PRPSAP2: variants seen among roughly 807,000 people sequenced by gnomAD.
The protein encoded by PRPSAP2 is phosphoribosyl pyrophosphate synthase-associated protein 2.
PRPSAP2 carries 24 observed loss-of-function variants against 40.6 expected under a neutral mutation model. The ratio of observed to expected loss-of-function variants is 0.59; its 90% confidence interval spans 0.43 to 0.83. PRPSAP2 has a LOEUF of 0.83. Ranked by LOEUF, PRPSAP2 falls within the 40% of genes least tolerant of loss-of-function variation. The pLI is 0.00. For missense variants in PRPSAP2, 292 were observed against 465.6 expected, an observed-to-expected ratio of 0.63 and a Z score of 3.43; for synonymous variants, 149 against 164.7, an observed-to-expected ratio of 0.90 and a Z score of 0.73.
At chr17:18,871,973 A>G (rs1421858508) in intron 4 of PRPSAP2, among the ~76,000 whole-genome samples, 9 of 152,042 alleles carry the variant, frequency 5.9e-5, no homozygotes, top group Admixed American at 5.2e-4. Flanking sequence ...GATTGTCTAT[A>G]AAGATACTGT....
chr17:18,881,672 G>A (rs2038753596), intron 6 of PRPSAP2, among the ~76,000 whole-genome samples: 1 of 151,596 alleles, frequency 6.6e-6, no homozygotes, highest in Admixed American at 6.6e-5. Flanking sequence ...TGAGTATCTG[G>A]GACTACAGAT....
chr17:18,915,024 C>CT (rs2041222155), intron 9 of PRPSAP2, among the ~76,000 whole-genome samples: 1 of 126,262 alleles, frequency 7.9e-6, no homozygotes, highest in African/African-American at 2.9e-5. Flanking sequence ...CTGCACCCGA[C>CT]CTTTTTTTTT....
At chr17:18,864,706 C>G (rs764653868) in intron 1 of PRPSAP2, among the ~76,000 whole-genome samples, 1 of 152,230 alleles carries the variant, frequency 6.6e-6, no homozygotes, top group African/African-American at 2.4e-5. Context: ...CACCAGCCTT[C>G]CCAGAGGTCC....
At chr17:18,862,946 G>A (rs912098906) in intron 1 of PRPSAP2, among the ~76,000 whole-genome samples, 6 of 151,200 alleles carry the variant, frequency 4.0e-5, no homozygotes, top group South Asian at 2.1e-4. Flanking sequence ...TCAGCCTCCC[G>A]AGTAGCTGGG....
chr17:18,910,903 T>A (rs901118476), intron 8 of PRPSAP2, among the ~76,000 whole-genome samples, 200 bp from the exon 9 acceptor site: 2 of 152,212 alleles, frequency 1.3e-5, no homozygotes, highest in African/African-American at 4.8e-5. Context: ...TTGGTGCTGC[T>A]GCAGAGGGAA....
chr17:18,903,840 G>A (rs2040426408), intron 8 of PRPSAP2, among the ~76,000 whole-genome samples: 3 of 152,168 alleles, frequency 2.0e-5, no homozygotes, highest in African/African-American at 7.2e-5. Context: ...CTATGTGGTG[G>A]TGATTTTCTT....
chr17:18,858,709 C>A (rs1189257938), intron 1 of PRPSAP2: 4 of 152,234 alleles, frequency 2.6e-5, no homozygotes, highest in East Asian at 1.9e-4. Flanking sequence ...TCAGAACTCA[C>A]CCCAGCAGAG....
chr17:18,908,972 T>C (rs2040782829), intron 8 of PRPSAP2: 2 of 317,378 alleles, frequency 6.3e-6, no homozygotes, highest in Non-Finnish European at 1.2e-5. Context: ...ACAAGGGATG[T>C]TATATAAAGA....
At chr17:18,877,654 G>C in intron 5 of PRPSAP2, 44 bp from the exon 6 acceptor site, 1 of 1,541,194 alleles carries the variant, frequency 6.5e-7, no homozygotes, top group Non-Finnish European at 8.8e-7. Flanking sequence ...AGGGAATACT[G>C]TGTTGTAGAT....
chr17:18,862,466 T>TC (rs57766245), intron 1 of PRPSAP2, among the ~76,000 whole-genome samples: 80,235 of 151,270 alleles, frequency 0.53, 21,495 homozygotes, highest in Middle Eastern at 0.6. Flanking sequence ...AAAATGCCCC[T>TC]CCCCCCATGG....
chr17:18,861,944 G>A (rs1333361192), intron 1 of PRPSAP2, among the ~76,000 whole-genome samples: 2 of 152,170 alleles, frequency 1.3e-5, no homozygotes, highest in Admixed American at 1.3e-4. Flanking sequence ...CTGGCGTGCA[G>A]TGGTGCAGTC....
At chr17:18,913,547 T>TTTA (rs1257357916) in intron 9 of PRPSAP2, among the ~76,000 whole-genome samples, 6 of 138,750 alleles carry the variant, frequency 4.3e-5, no homozygotes, top group African/African-American at 1.6e-4. Flanking sequence ...GGTTCTTTTT[T>TTTA]TTTTTTTTTT....
intron 9 of PRPSAP2, among the ~76,000 whole-genome samples, chr17:18,914,249 C>CATTTTTTTTTTTTTT (rs2041154469): frequency 2.1e-5 from 1 of 48,088 alleles, no homozygotes; most frequent in Non-Finnish European, 3.4e-5. Context: ...CATGTTTTTG[C>CATTTTTTTTTTTTTT]TTTTTTTTTT....
chr17:18,867,850 TG>T (rs1436913094), intron 4 of PRPSAP2, among the ~76,000 whole-genome samples: 1 of 152,326 alleles, frequency 6.6e-6, no homozygotes, highest in Admixed American at 6.5e-5. Flanking sequence ...ATTTAACCTT[TG>T]TAGGTCCAGG....
chr17:18,897,877 G>A (rs2040010566), intron 8 of PRPSAP2, among the ~76,000 whole-genome samples: 1 of 151,622 alleles, frequency 6.6e-6, no homozygotes, highest in African/African-American at 2.4e-5. Context: ...CAGCCTGAGT[G>A]AAATATAGAA....
intron 1 of PRPSAP2, among the ~76,000 whole-genome samples, chr17:18,861,148 G>A (rs1348882029): frequency 6.6e-6 from 1 of 152,198 alleles, no homozygotes; most frequent in South Asian, 2.1e-4. Context: ...TTACCAACAG[G>A]AGAAAGGAGA....
At chr17:18,886,672 C>G (rs943221580) in intron 7 of PRPSAP2, among the ~76,000 whole-genome samples, 2 of 151,918 alleles carry the variant, frequency 1.3e-5, no homozygotes, top group Non-Finnish European at 2.9e-5. Flanking sequence ...TTTGCCATCT[C>G]TTCTGAGGGC....
intron 6 of PRPSAP2, among the ~76,000 whole-genome samples, chr17:18,878,529 C>T (rs971433738): frequency 7.9e-5 from 12 of 151,904 alleles, no homozygotes; most frequent in South Asian, 2.1e-4. Context: ...TGTGTGTGCG[C>T]GCTTGTATAA....
At chr17:18,863,831 CTTTTTTTTTTTTT>C (rs34770102) in intron 1 of PRPSAP2, among the ~76,000 whole-genome samples, 1 of 86,052 alleles carries the variant, frequency 1.2e-5, no homozygotes, top group Non-Finnish European at 2.1e-5. Context: ...ACTGCGTGGC[CTTTTTTTTTTTTT>C]TTTTTTTTTA....
Sources: gnomAD v4.1 joint callset for allele counts (sites outside exome capture counted in the v4.1 genomes callset) on GRCh38, gnomAD v4.1.1 for gene constraint, MANE v1.5 for transcripts, NCBI Gene and HGNC (gene_info 2026-07-23, HGNC 2026-07-21) for gene names.